Variants in GABRR3 observed in about 807,000 individuals in gnomAD.
GABRR3 encodes the protein gamma-aminobutyric acid type A receptor subunit rho3, also known as gamma-aminobutyric acid receptor subunit rho-3.
A neutral mutation model predicts 43.2 loss-of-function variants in GABRR3; 29 were observed. The observed-to-expected ratio is 0.67, with a 90% CI of 0.50 to 0.92. The LOEUF is 0.92. Among genes scored for constraint, GABRR3 ranks in the 40% least tolerant of loss-of-function variants. The probability of loss-of-function intolerance (pLI) is 0.00; values close to 1 mark genes in which losing one functional copy is unlikely to be tolerated. For missense variants in GABRR3, 576 were observed against 572.3 expected (o/e 1.01, Z -0.07); for synonymous variants, 206 against 195.9 (o/e 1.05, Z -0.43).
intron 5 of GABRR3, 90 bp downstream of exon 5, chr3:98,012,254 T>A: frequency 1.1e-6 from 1 of 891,546 alleles, no homozygotes; most frequent in South Asian, 1.7e-5. Context: ...GACAGCAACA[T>A]TGTGAGTTTC....
chr3:98,003,458 C>T (rs1396413243), intron 7 of GABRR3, among the ~76,000 whole-genome samples: 1 of 143,282 alleles, frequency 7.0e-6, no homozygotes, highest in African/African-American at 2.6e-5. Flanking sequence ...GGTGGAGTAA[C>T]CAGGAAGTCA....
intron 3 of GABRR3, among the ~76,000 whole-genome samples, chr3:98,021,227 G>A (rs1417553443): frequency 1.3e-5 from 2 of 152,082 alleles, no homozygotes; most frequent in Non-Finnish European, 2.9e-5. Context: ...TTGAGGAACT[G>A]TATTACGCTC....
chr3:98,007,782 C>A lies in GABRR3; in HGVS notation c.736G>T (p.Ala246Ser), dbSNP rs202020240. 6.0e-5 allele frequency: 97 copies of A among 1,613,502 alleles called. No homozygotes were observed. The African/African-American group carries it at 1.1e-3, about 18-fold the overall frequency. The change falls in exon 7 of 10, where the codon GCT becomes TCT. Residue 246 changes from alanine to serine, a missense_variant. Physicochemically the swap from Ala to Ser is moderately conservative, Grantham distance 99. Transcript: ENST00000621172. ...GCTGTACCTGTGCTGCTATAGAAAG[C>A]TAATCCACTAGATGCACTGAAGTCT...
intron 7 of GABRR3, among the ~76,000 whole-genome samples, chr3:98,003,101 A>G (rs1447861240): frequency 1.3e-5 from 2 of 152,146 alleles, no homozygotes; most frequent in Admixed American, 6.6e-5. Context: ...AATATACATC[A>G]CATAGTACAT....
chr3:98,031,118 C>G (rs1479009952), intron 2 of GABRR3, among the ~76,000 whole-genome samples: 1 of 152,122 alleles, frequency 6.6e-6, no homozygotes, highest in Admixed American at 6.5e-5. Context: ...ACATACCTGA[C>G]TTTTTCAATA....
chr3:98,009,018 C>A (rs1393298137), exon 6 of GABRR3: 1 of 1,606,684 alleles, frequency 6.2e-7, no homozygotes, highest in East Asian at 2.2e-5. Context: ...ATCCATAAAG[C>A]ACATGGCCGA....
chr3:97,987,056 A>G lies in GABRR3; in HGVS notation c.1105-74T>C, dbSNP rs1428244316. 8 of 985,124 alleles carry G rather than the reference A, an allele frequency of 8.1e-6. No individual in the cohort carries two copies. The Admixed American group carries it at 1.5e-4, about 19-fold the overall frequency. 61.0% of individuals were successfully genotyped at this position (985,124 alleles called of 1,614,324 possible). On this transcript the variant is annotated intron_variant, in intron 9 of 9. Coordinates refer to ENST00000621172, the Ensembl canonical transcript of GABRR3. ...ATAGGAATTATGGTAAATAATGTTA[A>G]TAAAGTTAAATATGATTTATCAGAA...
chr3:97,987,171 G>A (rs1706398896), intron 9 of GABRR3, among the ~76,000 whole-genome samples, 189 bp from the exon 10 acceptor site: 1 of 151,530 alleles, frequency 6.6e-6, no homozygotes, highest in African/African-American at 2.4e-5. Context: ...TGTATTTTTT[G>A]GTCCAAAACT....
At chr3:98,009,391 A>G (rs1338169092) in intron 5 of GABRR3, among the ~76,000 whole-genome samples, 1 of 152,182 alleles carries the variant, frequency 6.6e-6, no homozygotes, top group Non-Finnish European at 1.5e-5. Context: ...GCTTTCTGGA[A>G]GATCCACACA....
chr3:97,991,447 C>T (rs1014872428), intron 9 of GABRR3, among the ~76,000 whole-genome samples: 1 of 152,204 alleles, frequency 6.6e-6, no homozygotes, highest in African/African-American at 2.4e-5. Flanking sequence ...CTCCTGGTTT[C>T]CTTACACGTG....
At chr3:98,008,748 C>A (rs201515971) in intron 6 of GABRR3, among the ~76,000 whole-genome samples, 1 of 144,226 alleles carries the variant, frequency 6.9e-6, no homozygotes, top group African/African-American at 2.6e-5. Context: ...TCCCCTGAAC[C>A]TTCTCCTTTA....
intron 2 of GABRR3, among the ~76,000 whole-genome samples, chr3:98,027,292 C>A (rs1165566825): frequency 6.6e-6 from 1 of 152,238 alleles, no homozygotes; most frequent in East Asian, 1.9e-4. Flanking sequence ...TGGGGTATGA[C>A]AATTTGCATG....
At chr3:98,003,354 T>C (rs1351532971) in intron 7 of GABRR3, among the ~76,000 whole-genome samples, 4 of 151,548 alleles carry the variant, frequency 2.6e-5, no homozygotes, top group African/African-American at 4.8e-5. Context: ...CATTATTAAC[T>C]TGAAATAAAA....
At chr3:97,993,581 T>A (rs1483681827) in intron 8 of GABRR3, among the ~76,000 whole-genome samples, 3 of 152,206 alleles carry the variant, frequency 2.0e-5, no homozygotes, top group Non-Finnish European at 4.4e-5. Context: ...AAAAAGCCAT[T>A]GTTATTCTCT....
At chr3:97,989,145 A>G (rs1038164472) in intron 9 of GABRR3, among the ~76,000 whole-genome samples, 2 of 140,604 alleles carry the variant, frequency 1.4e-5, no homozygotes, top group East Asian at 4.4e-4. Flanking sequence ...GGTGGGTGAT[A>G]GTAGGATGTA....
chr3:98,009,435 T>C (rs770256493), intron 5 of GABRR3, among the ~76,000 whole-genome samples: 1 of 152,216 alleles, frequency 6.6e-6, no homozygotes, highest in African/African-American at 2.4e-5. Context: ...GTTGGAATGG[T>C]GGCAATAAAA....
At chr3:98,031,686 T>C (rs1707088276) in intron 2 of GABRR3, among the ~76,000 whole-genome samples, 1 of 151,692 alleles carries the variant, frequency 6.6e-6, no homozygotes, top group Admixed American at 6.6e-5. Flanking sequence ...GAGGTTATAG[T>C]GAACTATGAT....
intron 2 of GABRR3, among the ~76,000 whole-genome samples, chr3:98,027,520 T>C (rs1249870036): frequency 6.6e-6 from 1 of 152,256 alleles, no homozygotes; most frequent in Non-Finnish European, 1.5e-5. Context: ...TTGAAAAGGA[T>C]AAATCTTAAT....
downstream of GABRR3, among the ~76,000 whole-genome samples, chr3:97,986,478 C>T (rs1463451213): frequency 6.6e-6 from 1 of 152,218 alleles, no homozygotes; most frequent in Admixed American, 6.5e-5. Flanking sequence ...AATACACATG[C>T]CTATGACTCT....
Sources: allele counts gnomAD v4.1 joint callset (sites outside exome capture counted in the v4.1 genomes callset), GRCh38; gene constraint gnomAD v4.1.1; transcripts MANE v1.5; gene names NCBI Gene and HGNC (gene_info 2026-07-23, HGNC 2026-07-21).